Variants in PDE1C observed in about 807,000 individuals in gnomAD.
PDE1C encodes the protein dual specificity calcium/calmodulin-dependent 3',5'-cyclic nucleotide phosphodiesterase 1C.
Under a neutral mutation model 93.1 loss-of-function variants are expected in PDE1C, and 62 were observed. The ratio of observed to expected loss-of-function variants is 0.67; its 90% confidence interval spans 0.54 to 0.82. The LOEUF (loss-of-function observed/expected upper bound fraction) is 0.82. Among genes scored for constraint, PDE1C ranks in the 40% least tolerant of loss-of-function variants. PDE1C has a pLI of 0.00. For synonymous variants in PDE1C, 325 were observed against 310.1 expected (o/e 1.05, Z -0.50); for missense variants, 742 against 884.6 (o/e 0.84, Z 2.04).
chr7:32,206,281 GGAAAGGAGCA>G (rs1408515232), intron 2 of PDE1C, among the ~76,000 whole-genome samples: 2 of 152,112 alleles, frequency 1.3e-5, no homozygotes, highest in African/African-American at 2.4e-5. Flanking sequence ...AGGAGCAGGG[GGAAAGGAGCA>G]GAAAGGGGCC....
At chr7:32,179,151 G>C (rs921350599) in intron 2 of PDE1C, among the ~76,000 whole-genome samples, 1 of 152,102 alleles carries the variant, frequency 6.6e-6, no homozygotes, top group Non-Finnish European at 1.5e-5. Context: ...CAAGTAAACA[G>C]ATGCTTAGTG....
At chr7:31,796,678 G>A (rs1306054139) in intron 16 of PDE1C, among the ~76,000 whole-genome samples, 1 of 151,484 alleles carries the variant, frequency 6.6e-6, no homozygotes, top group Non-Finnish European at 1.5e-5. Flanking sequence ...ACACCGTTTG[G>A]CCACTTCCCA....
intron 1 of PDE1C, among the ~76,000 whole-genome samples, chr7:32,226,063 GA>G (rs559384569): frequency 6.7e-6 from 1 of 150,314 alleles, no homozygotes; most frequent in Non-Finnish European, 1.5e-5. Context: ...ATCTCAAAAA[GA>G]AAAAAAAAGG....
intron 11 of PDE1C, among the ~76,000 whole-genome samples, chr7:31,833,817 A>G (rs545633582): frequency 2.0e-5 from 3 of 152,236 alleles, no homozygotes; most frequent in Non-Finnish European, 4.4e-5. Flanking sequence ...TGATGATGCA[A>G]TAGAAAAGAA....
At chr7:31,882,963 A>G (rs1797433235) in intron 2 of PDE1C, among the ~76,000 whole-genome samples, 4 of 152,214 alleles carry the variant, frequency 2.6e-5, no homozygotes. Flanking sequence ...GTAAATGAAA[A>G]CATCAAATGT....
intron 1 of PDE1C, among the ~76,000 whole-genome samples, chr7:32,416,843 A>C (rs1410857304): frequency 6.6e-6 from 1 of 152,196 alleles, no homozygotes; most frequent in East Asian, 1.9e-4. Flanking sequence ...TGGGGAAATG[A>C]GTGCAGAGGA....
intron 1 of PDE1C, among the ~76,000 whole-genome samples, chr7:32,251,211 C>T (rs1449452805): frequency 6.6e-6 from 1 of 151,088 alleles, no homozygotes; most frequent in African/African-American, 2.5e-5. Flanking sequence ...CATTTGCTCA[C>T]CTGCCACCGG....
the PDE1C span, among the ~76,000 whole-genome samples, chr7:31,668,787 A>G: frequency 8.1e-6 from 1 of 123,386 alleles, no homozygotes; most frequent in East Asian, 2.6e-4. Context: ...TAACTATACT[A>G]AAAACCAGTA....
chr7:31,652,009 T>A, the PDE1C span: 2 of 1,604,952 alleles, frequency 1.2e-6, no homozygotes, highest in Non-Finnish European at 1.7e-6. Flanking sequence ...GGAATTTCAG[T>A]TAGGAGACCG....
intron 3 of PDE1C, among the ~76,000 whole-genome samples, chr7:32,117,268 A>C (rs1298930655): frequency 6.6e-6 from 1 of 152,226 alleles, no homozygotes; most frequent in Non-Finnish European, 1.5e-5. Context: ...CTATTTGACA[A>C]AAAACTATGG....
At chr7:32,099,040 T>C (rs1797915914) in intron 3 of PDE1C, among the ~76,000 whole-genome samples, 1 of 152,188 alleles carries the variant, frequency 6.6e-6, no homozygotes, top group Non-Finnish European at 1.5e-5. Flanking sequence ...TTTTGCCACA[T>C]TAAAAATAAA....
chr7:32,244,220 A>G (rs1302576357), intron 1 of PDE1C, among the ~76,000 whole-genome samples: 3 of 152,222 alleles, frequency 2.0e-5, no homozygotes, highest in Non-Finnish European at 4.4e-5. Context: ...AAGTGGCCAC[A>G]TAGGGCCCAA....
intron 1 of PDE1C, among the ~76,000 whole-genome samples, chr7:32,402,496 CCTT>C (rs1254128698): frequency 6.6e-6 from 1 of 152,078 alleles, no homozygotes; most frequent in Non-Finnish European, 1.5e-5. Flanking sequence ...GGAAGTTAGT[CCTT>C]CTTCCACCAT....
At chr7:32,025,491 T>C (rs1321774667) in intron 2 of PDE1C, among the ~76,000 whole-genome samples, 1 of 152,046 alleles carries the variant, frequency 6.6e-6, no homozygotes, top group African/African-American at 2.4e-5. Context: ...CTCAGGAACA[T>C]GAGAAGCTGA....
At chr7:32,349,036 AAAG>A (rs1171511936) in intron 1 of PDE1C, among the ~76,000 whole-genome samples, 2 of 152,236 alleles carry the variant, frequency 1.3e-5, no homozygotes, top group African/African-American at 4.8e-5. Context: ...TCTAGCCATC[AAAG>A]AACCAACCAA....
intron 2 of PDE1C, among the ~76,000 whole-genome samples, chr7:31,933,738 T>C (rs538084254): frequency 1.4e-4 from 22 of 152,116 alleles, no homozygotes; most frequent in Non-Finnish European, 2.8e-4. Context: ...TCATGAGAGA[T>C]CTGTTGGTTT....
intron 14 of PDE1C, among the ~76,000 whole-genome samples, chr7:31,817,721 C>T (rs532423772): frequency 6.6e-6 from 1 of 152,256 alleles, no homozygotes; most frequent in Admixed American, 6.5e-5. Context: ...AAAGCTAATG[C>T]TCATAAATAA....
chr7:31,816,376 A>G (rs1319414890), intron 14 of PDE1C, among the ~76,000 whole-genome samples: 1 of 152,162 alleles, frequency 6.6e-6, no homozygotes, highest in Non-Finnish European at 1.5e-5. Context: ...GGTCAGGGAG[A>G]AAATAATAAG....
chr7:32,146,515 C>A (rs1161716646), intron 3 of PDE1C, among the ~76,000 whole-genome samples: 1 of 152,112 alleles, frequency 6.6e-6, no homozygotes, highest in Non-Finnish European at 1.5e-5. Context: ...GATCCTCCTG[C>A]CTCCCTCTTT....
Sources: gnomAD v4.1 joint callset for allele counts (sites outside exome capture counted in the v4.1 genomes callset) on GRCh38, gnomAD v4.1.1 for gene constraint, MANE v1.5 for transcripts, NCBI Gene and HGNC (gene_info 2026-07-23, HGNC 2026-07-21) for gene names.